GOLGA4: variants seen among roughly 807,000 people sequenced by gnomAD.
GOLGA4 encodes the protein golgin A4.
Under a neutral mutation model 265.9 loss-of-function variants are expected in GOLGA4, and 169 were observed. The observed-to-expected ratio is 0.64, with a 90% CI of 0.56 to 0.72. The LOEUF (loss-of-function observed/expected upper bound fraction) is 0.72, where lower values mean the gene tolerates loss of function less well. GOLGA4 is among the 30% of genes least tolerant of loss of function. The pLI is 0.00. For missense variants in GOLGA4, 2,482 were observed against 2,483.4 expected, an observed-to-expected ratio of 1.00 and a Z score of 0.01; for synonymous variants, 923 against 855.8, an observed-to-expected ratio of 1.08 and a Z score of -1.37.
chr3:37,351,341 A>C (rs970147101), intron 21 of GOLGA4, among the ~76,000 whole-genome samples: 6 of 152,152 alleles, frequency 3.9e-5, no homozygotes, highest in Non-Finnish European at 7.4e-5. Context: ...TAGCTGCACT[A>C]TATCTACAGC....
At chr3:37,302,966 A>T (rs1378980787) in intron 10 of GOLGA4, among the ~76,000 whole-genome samples, 1 of 152,260 alleles carries the variant, frequency 6.6e-6, no homozygotes, top group Non-Finnish European at 1.5e-5. Flanking sequence ...GTGCCTTCAC[A>T]TCAGTGAAGA....
chr3:37,354,672 G>A (rs1398214273), intron 21 of GOLGA4, among the ~76,000 whole-genome samples: 2 of 151,974 alleles, frequency 1.3e-5, no homozygotes, highest in African/African-American at 4.8e-5. Flanking sequence ...TGCAGTAGCC[G>A]TGTTTATGAG....
chr3:37,333,306 CAT>C (rs1303178040), intron 16 of GOLGA4, among the ~76,000 whole-genome samples: 1 of 152,200 alleles, frequency 6.6e-6, no homozygotes, highest in Non-Finnish European at 1.5e-5. Context: ...GTCTTCAAAA[CAT>C]AACCTGTTAT....
chr3:37,317,782 T>C (rs1183831182), intron 11 of GOLGA4, among the ~76,000 whole-genome samples: 1 of 152,194 alleles, frequency 6.6e-6, no homozygotes, highest in East Asian at 1.9e-4. Flanking sequence ...TCTATTGGGC[T>C]GTTGGTCTTT....
chr3:37,310,351 C>G lies in GOLGA4; in HGVS notation c.1235-5069C>G, dbSNP rs368470562. 3.3e-5 allele frequency among the ~76,000 whole-genome samples: 5 copies of G among 152,262 alleles called. No homozygotes were observed. In the East Asian group the frequency reaches 7.7e-4, roughly 23 times the overall value. On this transcript the variant is annotated intron_variant, in intron 10 of 23. Transcript: ENST00000361924. ...AGTGCTGGAGTAGCAAAAACAATGCCACATTCTTCCTAGCTGTATCTAAGG... is the reference window on the plus strand; with the variant it reads ...AGTGCTGGAGTAGCAAAAACAATGCGACATTCTTCCTAGCTGTATCTAAGG...
intron 15 of GOLGA4, 83 bp from the exon 16 acceptor site, chr3:37,328,880 T>G: frequency 9.9e-5 from 108 of 1,093,584 alleles, no homozygotes; most frequent in Non-Finnish European, 1.2e-4. Flanking sequence ...TTAATTGGAA[T>G]GAGAGTTGTT....
intron 7 of GOLGA4, among the ~76,000 whole-genome samples, chr3:37,298,284 G>A (rs999286328): frequency 1.6e-4 from 24 of 152,116 alleles, no homozygotes; most frequent in Admixed American, 5.9e-4. Context: ...TAGTGGGTGG[G>A]AGGAAGCCAG....
rs755978389 is a variant in GOLGA4 at position 37,325,835 on chromosome 3, G to T, written c.3949G>T (p.Val1317Leu). 6.2e-7 allele frequency: 1 copy of T among 1,613,252 alleles called. No individual in the cohort carries two copies. The highest frequency in any genetic ancestry group is 1.3e-5 in the African/African-American group (1 of 74,874). ...CATGAAGGCTGATATTGAAAGTCTT[G>T]TAACAGAAAAAGAAGCCTTACAGAA... ...KSMKADIESL[V>L]TEKEALQKEG... The change falls in exon 14 of 24, where the codon GTA becomes TTA. Residue 1317 changes from valine (V) to leucine (L), a missense_variant. Val to Leu is a conservative substitution (Grantham distance 32). Around this residue, in one of 3 missense-constraint regions of GOLGA4, gnomAD observed 1,536 missense variants for 1,483.7 expected, o/e 1.04. Coordinates refer to ENST00000361924, the MANE Select transcript of GOLGA4 (RefSeq NM_002078.5).
intron 20 of GOLGA4, among the ~76,000 whole-genome samples, chr3:37,343,849 C>T (rs1032324776): frequency 6.6e-6 from 1 of 152,198 alleles, no homozygotes; most frequent in African/African-American, 2.4e-5. Context: ...GACATATTTA[C>T]GATTTTAAGA....
At chr3:37,362,225 ATTTATTTATTT>A (rs1559479407) in intron 23 of GOLGA4, among the ~76,000 whole-genome samples, 2 of 76,764 alleles carry the variant, frequency 2.6e-5, no homozygotes, top group Non-Finnish European at 8.1e-5. Context: ...TTATTTATTT[ATTTATTTATTT>A]ATTATTTTTT....
At chr3:37,297,305 T>A (rs1252774490) in intron 7 of GOLGA4, among the ~76,000 whole-genome samples, 8 of 152,164 alleles carry the variant, frequency 5.3e-5, no homozygotes, top group Non-Finnish European at 1.2e-4. Context: ...AACCAGACTA[T>A]GGTGGGGTGG....
chr3:37,339,187 C>T (rs966415042), intron 19 of GOLGA4, among the ~76,000 whole-genome samples: 1 of 151,842 alleles, frequency 6.6e-6, no homozygotes, highest in African/African-American at 2.4e-5. Flanking sequence ...TTCAGCTTAG[C>T]GTGATGTTTC....
chr3:37,284,842 T>A (rs571456514), intron 3 of GOLGA4, among the ~76,000 whole-genome samples: 1 of 152,190 alleles, frequency 6.6e-6, no homozygotes, highest in South Asian at 2.1e-4. Context: ...ATTTTTTGTA[T>A]TTTTGGTAGA....
At chr3:37,281,750 C>T (rs1256159726) in intron 2 of GOLGA4, among the ~76,000 whole-genome samples, 1 of 152,214 alleles carries the variant, frequency 6.6e-6, no homozygotes, top group Non-Finnish European at 1.5e-5. Context: ...AGACCTGGGA[C>T]CTGCACCCCA....
intron 7 of GOLGA4, 105 bp downstream of exon 7, chr3:37,296,324 T>C: frequency 1.8e-6 from 2 of 1,105,662 alleles, no homozygotes; most frequent in South Asian, 3.0e-5. Context: ...TGTGGGAGGA[T>C]CGCTTGAGTT....
intron 11 of GOLGA4, 76 bp downstream of exon 11, chr3:37,315,674 TGTAAAGAAGA>T: frequency 8.4e-7 from 1 of 1,188,280 alleles, no homozygotes; most frequent in Non-Finnish European, 1.2e-6. Context: ...ACTCTTTGAC[TGTAAAGAAGA>T]GTTTGTTTGT....
At chr3:37,278,151 TAA>T (rs200121895) in intron 2 of GOLGA4, among the ~76,000 whole-genome samples, 2 of 149,698 alleles carry the variant, frequency 1.3e-5, no homozygotes, top group South Asian at 2.1e-4. Context: ...TTGTTAAACA[TAA>T]AAAAAAAGAA....
intron 12 of GOLGA4, chr3:37,319,444 G>A: frequency 4.7e-6 from 1 of 213,240 alleles, no homozygotes; most frequent in South Asian, 1.1e-4. Context: ...GCCTAGGCTA[G>A]AGTGCAGTGG....
chr3:37,267,260 G>A (rs1197305228), intron 2 of GOLGA4, among the ~76,000 whole-genome samples: 1 of 152,212 alleles, frequency 6.6e-6, no homozygotes, highest in Admixed American at 6.5e-5. Context: ...AAAAAGGTAT[G>A]CAGTGCTACA....
Sources: gnomAD v4.1 joint callset for allele counts (sites outside exome capture counted in the v4.1 genomes callset) on GRCh38, gnomAD v4.1.1 for gene constraint, gnomAD v4.1.1 regional missense constraint, MANE v1.5 for transcripts, NCBI Gene and HGNC (gene_info 2026-07-23, HGNC 2026-07-21) for gene names.